Variants in DYM observed in about 807,000 individuals in gnomAD.
DYM encodes the protein dymeclin.
In DYM, 78 loss-of-function variants were observed where a neutral mutation model predicts 93.1. That is an observed-to-expected ratio of 0.84 (90% CI 0.70 to 1.01). DYM has a LOEUF of 1.01. Ranked by LOEUF, DYM falls within the 50% of genes least tolerant of loss-of-function variation. The probability of loss-of-function intolerance (pLI) is 0.00; values close to 1 mark genes in which losing one functional copy is unlikely to be tolerated. For synonymous variants in DYM, 321 were observed against 319.7 expected, an observed-to-expected ratio of 1.00 and a Z score of -0.04; for missense variants, 789 against 845.0, an observed-to-expected ratio of 0.93 and a Z score of 0.82.
intron 1 of DYM, among the ~76,000 whole-genome samples, chr18:49,439,468 A>G (rs1206567710): frequency 2.6e-5 from 4 of 152,206 alleles, no homozygotes; most frequent in East Asian, 1.9e-4. Context: ...TACATATAAC[A>G]TATCTCCCCA....
chr18:49,207,165 G>A (rs2092558016), intron 14 of DYM, among the ~76,000 whole-genome samples: 2 of 152,064 alleles, frequency 1.3e-5, no homozygotes, highest in South Asian at 4.2e-4. Flanking sequence ...GTGACTCCAG[G>A]AGAAAAAAGA....
intron 6 of DYM, among the ~76,000 whole-genome samples, chr18:49,352,563 C>A (rs2065202753): frequency 6.6e-6 from 1 of 151,740 alleles, no homozygotes; most frequent in Non-Finnish European, 1.5e-5. Context: ...AACTAGGGAA[C>A]TTGAGAGGGA....
intron 13 of DYM, among the ~76,000 whole-genome samples, chr18:49,226,678 A>G (rs116948530): frequency 2.3e-4 from 35 of 152,276 alleles, no homozygotes; most frequent in East Asian, 1.5e-3. Flanking sequence ...ACTTGAAAAT[A>G]ATTTATTGAT....
intron 8 of DYM, among the ~76,000 whole-genome samples, chr18:49,309,643 AC>A (rs909666675): frequency 6.6e-6 from 1 of 152,200 alleles, no homozygotes; most frequent in African/African-American, 2.4e-5. Flanking sequence ...TCTAAAAAAA[AC>A]AAATGTTTTT....
At chr18:49,377,535 G>C (rs1009186186) in intron 5 of DYM, among the ~76,000 whole-genome samples, 1 of 151,808 alleles carries the variant, frequency 6.6e-6, no homozygotes, top group Non-Finnish European at 1.5e-5. Flanking sequence ...ATTCCAGCCT[G>C]GGCAACAGAG....
At chr18:49,239,021 T>C (rs2093954350) in intron 13 of DYM, among the ~76,000 whole-genome samples, 2 of 152,178 alleles carry the variant, frequency 1.3e-5, no homozygotes, top group Non-Finnish European at 2.9e-5. Context: ...CCCTACATTT[T>C]CTCAGACTAA....
At chr18:49,128,127 G>A (rs2083003418) in intron 15 of DYM, among the ~76,000 whole-genome samples, 2 of 152,202 alleles carry the variant, frequency 1.3e-5, no homozygotes, top group African/African-American at 4.8e-5. Context: ...TCCACATCCG[G>A]AGAAGAGCCA....
chr18:49,402,708 T>C (rs556356472), intron 2 of DYM, among the ~76,000 whole-genome samples: 40 of 152,324 alleles, frequency 2.6e-4, no homozygotes, highest in South Asian at 1.9e-3. Flanking sequence ...ACTGGATTCA[T>C]AGGCGGATCA....
At chr18:49,177,396 C>A (rs1482396878) in intron 14 of DYM, among the ~76,000 whole-genome samples, 1 of 152,130 alleles carries the variant, frequency 6.6e-6, no homozygotes, top group Non-Finnish European at 1.5e-5. Context: ...CGTTATAACA[C>A]AATTGATAGC....
At chr18:49,121,299 A>G (rs1202259176) in intron 15 of DYM, among the ~76,000 whole-genome samples, 3 of 152,200 alleles carry the variant, frequency 2.0e-5, no homozygotes, top group Non-Finnish European at 4.4e-5. Context: ...GAGCTTGGGA[A>G]TGAATTGCAA....
At chr18:49,424,897 C>A (rs1032955904) in intron 2 of DYM, among the ~76,000 whole-genome samples, 1 of 152,058 alleles carries the variant, frequency 6.6e-6, no homozygotes, top group Non-Finnish European at 1.5e-5. Flanking sequence ...TAAAAGAGGA[C>A]ACAAACAAAT....
intron 17 of DYM, among the ~76,000 whole-genome samples, chr18:49,050,080 CTT>C (rs555098372): frequency 6.5e-5 from 7 of 106,908 alleles, no homozygotes; most frequent in Non-Finnish European, 1.1e-4. Flanking sequence ...AGGTAACTTC[CTT>C]TTTTTTTTTT....
intron 15 of DYM, among the ~76,000 whole-genome samples, chr18:49,159,164 A>G (rs919582059): frequency 2.0e-5 from 3 of 152,250 alleles, no homozygotes; most frequent in African/African-American, 4.8e-5. Flanking sequence ...AACATTGTAC[A>G]AAACAATTGA....
chr18:49,318,797 CTTTTT>C (rs932617888), intron 8 of DYM, among the ~76,000 whole-genome samples: 3 of 114,380 alleles, frequency 2.6e-5, no homozygotes, highest in Non-Finnish European at 5.3e-5. Flanking sequence ...ATTTCTTTTT[CTTTTT>C]TTTTTTTTTT....
At chr18:49,330,418 G>C (rs775745968) in intron 8 of DYM, among the ~76,000 whole-genome samples, 4 of 152,118 alleles carry the variant, frequency 2.6e-5, no homozygotes, top group African/African-American at 4.8e-5. Flanking sequence ...CTTCCTTCCT[G>C]CTATCTAGTT....
rs557486951 is a variant in DYM, at chr18:49,245,954, T to C, written c.1460+11056A>G. Among the ~76,000 whole-genome samples, 165 of 152,338 alleles carry C rather than the reference T, an allele frequency of 1.1e-3. No homozygotes were observed. The South Asian group carries it at 0.017, about 16-fold the overall frequency. On this transcript the variant is annotated intron_variant, in intron 13 of 17. Transcript: ENST00000675505. Reference sequence around the variant, plus strand: ...ATAGAAAAGAACCTACATTGAAATATTGGGGGCTGGTTCCCCCGATAGGTG... The same window carrying C: ...ATAGAAAAGAACCTACATTGAAATACTGGGGGCTGGTTCCCCCGATAGGTG...
chr18:49,390,201 G>A (rs113235380), intron 3 of DYM, among the ~76,000 whole-genome samples: 70 of 152,326 alleles, frequency 4.6e-4, no homozygotes, highest in Middle Eastern at 3.4e-3. Flanking sequence ...GGTAGGAGGA[G>A]GAAGGCTTGC....
At chr18:49,120,385 T>C (rs944499672) in intron 15 of DYM, among the ~76,000 whole-genome samples, 2 of 152,190 alleles carry the variant, frequency 1.3e-5, no homozygotes, top group Admixed American at 6.5e-5. Context: ...TGGAAAAAGA[T>C]ACCTACACAA....
chr18:49,128,260 C>T (rs2083022717), intron 15 of DYM, among the ~76,000 whole-genome samples: 3 of 152,152 alleles, frequency 2.0e-5, no homozygotes, highest in African/African-American at 4.8e-5. Flanking sequence ...AGTTTCTCAC[C>T]CTTCCTCAGG....
Sources: gnomAD v4.1 joint callset for allele counts (sites outside exome capture counted in the v4.1 genomes callset) on GRCh38, gnomAD v4.1.1 for gene constraint, MANE v1.5 for transcripts, NCBI Gene and HGNC (gene_info 2026-07-23, HGNC 2026-07-21) for gene names.